The following CACNA1A variants were observed in gnomAD, a reference collection of about 807,000 sequenced individuals.
CACNA1A encodes voltage-dependent P/Q-type calcium channel subunit alpha-1A.
In CACNA1A, 57 loss-of-function variants were observed where a neutral mutation model predicts 262.4. That is an observed-to-expected ratio of 0.22 (90% CI 0.18 to 0.27). CACNA1A has a LOEUF of 0.27. Ranked by LOEUF, CACNA1A falls within the 10% of genes least tolerant of loss-of-function variation. The pLI, the probability that CACNA1A is intolerant of heterozygous loss-of-function variation, is 1.00. For synonymous variants in CACNA1A, 1,431 were observed against 1,419.3 expected (o/e 1.01, Z -0.18); for missense variants, 2,526 against 3,562.8 (o/e 0.71, Z 7.41).
chr19:13,456,268 T>C (rs1457035550), intron 1 of CACNA1A, among the ~76,000 whole-genome samples: 1 of 152,236 alleles, frequency 6.6e-6, no homozygotes, highest in Non-Finnish European at 1.5e-5. Context: ...TTTATCAAAA[T>C]TTAAACCTTT....
Position 13,299,195 on chromosome 19 carries a change from G to C in CACNA1A, c.2438C>G (p.Pro813Arg). The C allele has an allele frequency of 6.2e-7, 1 of 1,612,530 alleles. No individual in the cohort carries two copies. The highest frequency in any genetic ancestry group is 8.5e-7 in the Non-Finnish European group (1 of 1,179,894). ...CCGGTCCAAGTGCGTCTTCATGTCT[G>C]GCCGCAGGTGCCGCGTGTAGGCAGC... ...WKAAYTRHLR[P>R]DMKTHLDRPL... The change falls in exon 19 of 47, where the codon CCA becomes CGA. Residue 813 changes from proline (P) to arginine (R), a missense_variant. Physicochemically the swap from Pro to Arg is moderately radical, Grantham distance 103. Around this residue, in one of 17 missense-constraint regions of CACNA1A, gnomAD observed 765 missense variants for 748.6 expected, o/e 1.02. Transcript: ENST00000360228.
intron 1 of CACNA1A, among the ~76,000 whole-genome samples, chr19:13,496,205 C>G (rs942159136): frequency 6.6e-6 from 1 of 152,200 alleles, no homozygotes; most frequent in Non-Finnish European, 1.5e-5. Context: ...GGCCACAAGT[C>G]AAAAATTTGC....
chr19:13,382,260 A>G (rs1158939412), intron 3 of CACNA1A, among the ~76,000 whole-genome samples: 2 of 152,154 alleles, frequency 1.3e-5, no homozygotes, highest in Admixed American at 1.3e-4. Flanking sequence ...GAGGCAGCAT[A>G]GCACAGTCAG....
chr19:13,352,106 T>C (rs2058922200), intron 6 of CACNA1A, among the ~76,000 whole-genome samples: 1 of 152,178 alleles, frequency 6.6e-6, no homozygotes, highest in African/African-American at 2.4e-5. Context: ...CCCGAGACCT[T>C]CTTCTTTCTC....
In CACNA1A at chr19:13,210,609, G is replaced by T. The variant is rs1415579990; in HGVS notation, c.6339+8C>A. On this transcript the variant is annotated splice_region_variant and intron_variant, in intron 44 of 46. Coordinates refer to ENST00000360228, the MANE Select transcript of CACNA1A (RefSeq NM_001127222.2). ...CCCTGCTGGGCGCTGGGCAGGCGCG[G>T]TACATACACTGAGGTTATTCCCACG... 1.3e-6 allele frequency: 2 copies of T among 1,561,724 alleles called. No individual in the cohort carries two copies. Among genetic ancestry groups the T allele is most frequent in the Admixed American group, 1.9e-5 (1 of 52,480 alleles).
chr19:13,409,115 G>T (rs8113506), intron 3 of CACNA1A, among the ~76,000 whole-genome samples: 45,782 of 152,040 alleles, frequency 0.3, 12,583 homozygotes, highest in African/African-American at 0.71. Flanking sequence ...GGCTCATTCA[G>T]GACTGTTGCC....
At chr19:13,357,670 G>A (rs564092751) in intron 6 of CACNA1A, among the ~76,000 whole-genome samples, 1 of 152,284 alleles carries the variant, frequency 6.6e-6, no homozygotes, top group East Asian at 1.9e-4. Context: ...AGGACAGAGT[G>A]GGGTTTAAAA....
intron 6 of CACNA1A, among the ~76,000 whole-genome samples, chr19:13,357,758 C>A (rs1464112515): frequency 1.3e-5 from 2 of 152,152 alleles, no homozygotes; most frequent in African/African-American, 4.8e-5. Flanking sequence ...AATCCTAGCA[C>A]TTTGGGAGGC....
intron 1 of CACNA1A, among the ~76,000 whole-genome samples, chr19:13,469,705 C>T (rs1279163772): frequency 2.6e-5 from 4 of 151,050 alleles, no homozygotes; most frequent in African/African-American, 4.9e-5. Context: ...GTGATCCGCC[C>T]GCCTCGGCTC....
chr19:13,440,900 G>A (rs1284988836), intron 3 of CACNA1A, among the ~76,000 whole-genome samples: 1 of 152,166 alleles, frequency 6.6e-6, no homozygotes. Flanking sequence ...TGACCTCCTG[G>A]GCTCAAGTGA....
At position 13,440,874 on chromosome 19, in the gene CACNA1A, C is replaced by T. The variant is rs745325606; in HGVS notation, c.539+12002G>A. Among the ~76,000 whole-genome samples, 11 of 152,298 alleles carry T rather than the reference C, an allele frequency of 7.2e-5. No homozygotes were observed. The East Asian group carries it at 9.6e-4, about 13-fold the overall frequency. The stretch of plus-strand genomic sequence containing the variant: ...CTGTTGGACTGCAGTGGTGCAAGCA[C>T]GGCTCACTGCAGACTTGACCTCCTG... On this transcript the variant is annotated intron_variant, in intron 3 of 46. Transcript: ENST00000360228.
intron 38 of CACNA1A, among the ~76,000 whole-genome samples, chr19:13,216,912 G>C (rs1323672321): frequency 6.6e-6 from 1 of 152,088 alleles, no homozygotes; most frequent in Non-Finnish European, 1.5e-5. Flanking sequence ...TGCCTGGGGT[G>C]GGGGGCTTGA....
At chr19:13,321,416 G>A (rs552043419) in intron 10 of CACNA1A, among the ~76,000 whole-genome samples, 10 of 152,184 alleles carry the variant, frequency 6.6e-5, no homozygotes, top group South Asian at 6.2e-4. Context: ...ATTTATATAC[G>A]CTTAAAATTA....
intron 24 of CACNA1A, among the ~76,000 whole-genome samples, chr19:13,265,556 A>C (rs2056843103): frequency 6.6e-6 from 1 of 152,230 alleles, no homozygotes; most frequent in African/African-American, 2.4e-5. Flanking sequence ...TGTGCCCCCA[A>C]GTGTGAGACA....
intron 3 of CACNA1A, among the ~76,000 whole-genome samples, chr19:13,379,518 A>G (rs558341425): frequency 2.6e-5 from 4 of 152,144 alleles, no homozygotes; most frequent in Non-Finnish European, 5.9e-5. Flanking sequence ...ACCACAGAGC[A>G]AGGGGAAAGG....
Position 13,503,351 on chromosome 19 carries a change from G to A in CACNA1A, c.293+2581C>T, listed in dbSNP as rs540876332. Among the ~76,000 whole-genome samples, 284 of 152,000 alleles carry A rather than the reference G, an allele frequency of 1.9e-3. 1 individual carries two copies. Among genetic ancestry groups the A allele is most frequent in the African/African-American group, 6.7e-3 (276 of 41,452 alleles). On this transcript the variant is annotated intron_variant, in intron 1 of 46. Transcript: ENST00000360228. ...TCGGGACCTGGGTGCTGGATACGTGGGTGTGTTCATTTTGTAAAAATCTAT... is the reference window on the plus strand; with the variant it reads ...TCGGGACCTGGGTGCTGGATACGTGAGTGTGTTCATTTTGTAAAAATCTAT...
At chr19:13,442,739 A>G (rs1294371928) in intron 3 of CACNA1A, among the ~76,000 whole-genome samples, 1 of 152,172 alleles carries the variant, frequency 6.6e-6, no homozygotes, top group Non-Finnish European at 1.5e-5. Flanking sequence ...GGTCTTAACC[A>G]TGGCGCTAGG....
At chr19:13,427,772 TAAAA>T (rs869121860) in intron 3 of CACNA1A, among the ~76,000 whole-genome samples, 1 of 138,906 alleles carries the variant, frequency 7.2e-6, no homozygotes, top group African/African-American at 3.0e-5. Context: ...AACACAGTGG[TAAAA>T]ACAAACAAAC....
intron 10 of CACNA1A, among the ~76,000 whole-genome samples, chr19:13,318,860 G>A (rs897128239): frequency 6.8e-6 from 1 of 147,972 alleles, no homozygotes; most frequent in Non-Finnish European, 1.5e-5. Context: ...CTCAGTTTTG[G>A]ACAGATTGAA....
Sources: allele counts gnomAD v4.1 joint callset (sites outside exome capture counted in the v4.1 genomes callset), GRCh38; gene constraint gnomAD v4.1.1; regional missense constraint gnomAD v4.1.1; transcripts MANE v1.5; gene names NCBI Gene and HGNC (gene_info 2026-07-23, HGNC 2026-07-21).